Variants in NKAIN3 observed in about 807,000 individuals in gnomAD.
The protein encoded by NKAIN3 is sodium/potassium-transporting ATPase subunit beta-1-interacting protein 3.
In NKAIN3, 25 loss-of-function variants were observed where a neutral mutation model predicts 30.2. The ratio of observed to expected loss-of-function variants is 0.83; its 90% CI spans 0.60 to 1.16. The LOEUF (loss-of-function observed/expected upper bound fraction) is 1.16, where lower values mean the gene tolerates loss of function less well. Ranked by LOEUF, NKAIN3 falls within the 50% of genes most tolerant of loss-of-function variation. NKAIN3 has a pLI of 0.00. For missense variants in NKAIN3, 225 were observed against 254.1 expected (o/e 0.89, Z 0.78); for synonymous variants, 91 against 89.6 (o/e 1.02, Z -0.09).
At chr8:62,430,362 TTGTGGTG>T (rs1266675448) in intron 1 of NKAIN3, among the ~76,000 whole-genome samples, 3 of 120,808 alleles carry the variant, frequency 2.5e-5, no homozygotes, top group African/African-American at 6.4e-5. Context: ...TACATATATA[TTGTGGTG>T]TGTGTGTGTG....
chr8:62,751,274 C>T (rs946461269), intron 4 of NKAIN3, among the ~76,000 whole-genome samples: 7 of 152,114 alleles, frequency 4.6e-5, no homozygotes, highest in African/African-American at 1.4e-4. Context: ...AGACATCTTC[C>T]CCCAAAACAC....
chr8:62,899,613 T>C (rs1363540237), intron 4 of NKAIN3, among the ~76,000 whole-genome samples: 1 of 152,050 alleles, frequency 6.6e-6, no homozygotes, highest in East Asian at 1.9e-4. Context: ...TTAGAGGAGC[T>C]GGGGATGGTT....
intron 3 of NKAIN3, among the ~76,000 whole-genome samples, chr8:62,741,221 TA>T (rs1344678965): frequency 6.6e-6 from 1 of 152,152 alleles, no homozygotes; most frequent in East Asian, 1.9e-4. Context: ...TTCTCTTTTC[TA>T]TTGTCCTTGA....
chr8:62,911,074 C>T (rs1449763920), intron 4 of NKAIN3, among the ~76,000 whole-genome samples: 1 of 152,022 alleles, frequency 6.6e-6, no homozygotes, highest in Non-Finnish European at 1.5e-5. Flanking sequence ...GCATCATTCT[C>T]ATATTGAAAA....
chr8:62,396,988 G>C (rs1488255844), intron 1 of NKAIN3, among the ~76,000 whole-genome samples: 1 of 152,158 alleles, frequency 6.6e-6, no homozygotes, highest in Non-Finnish European at 1.5e-5. Context: ...TATTGTGCAC[G>C]ACAGATGTAA....
chr8:62,765,246 C>CA (rs34477671), intron 4 of NKAIN3, among the ~76,000 whole-genome samples: 6,818 of 42,558 alleles, frequency 0.16, 877 homozygotes, highest in African/African-American at 0.25. Context: ...GACTCCATCT[C>CA]AAAAAAAAAA....
intron 3 of NKAIN3, among the ~76,000 whole-genome samples, chr8:62,729,022 ACC>A (rs1491420718): frequency 4.3e-5 from 3 of 69,202 alleles, no homozygotes; most frequent in Non-Finnish European, 8.7e-5. Context: ...AAACAAACAA[ACC>A]AAAAAAAAAA....
chr8:62,527,915 G>A (rs1808358192), intron 1 of NKAIN3, among the ~76,000 whole-genome samples: 1 of 149,676 alleles, frequency 6.7e-6, no homozygotes, highest in Admixed American at 6.6e-5. Flanking sequence ...GTGTGTGTGT[G>A]TGACAGAGAG....
rs949557323 is a variant in NKAIN3, at chr8:62,981,655, G to T, written c.*16248G>T. On this transcript the variant is annotated 3_prime_UTR_variant, in exon 7 of 7. Transcript: ENST00000623646. ...AAAAAGACAAAAATGGTATTCTCAGGTGAGCTTACCTTTCAAATTTTTCTG... is the reference window on the plus strand; with the variant it reads ...AAAAAGACAAAAATGGTATTCTCAGTTGAGCTTACCTTTCAAATTTTTCTG... 4 of 151,422 alleles carry T rather than the reference G, an allele frequency of 2.6e-5. No homozygotes were observed. The highest frequency in any genetic ancestry group is 2.9e-5 in the Non-Finnish European group (2 of 67,928). 9.4% of individuals were successfully genotyped at this position (151,422 alleles called of 1,614,324 possible).
At chr8:62,363,890 A>G (rs970638238) in intron 1 of NKAIN3, among the ~76,000 whole-genome samples, 9 of 152,334 alleles carry the variant, frequency 5.9e-5, no homozygotes, top group South Asian at 2.1e-4. Flanking sequence ...TTACTTGTCT[A>G]AAGTATTAAT....
At chr8:62,279,185 A>G (rs1370216688) in intron 1 of NKAIN3, among the ~76,000 whole-genome samples, 1 of 152,194 alleles carries the variant, frequency 6.6e-6, no homozygotes, top group African/African-American at 2.4e-5. Flanking sequence ...TCTTTTGAGA[A>G]GTGTCTGTTC....
chr8:62,501,208 A>T (rs1807439738), intron 1 of NKAIN3, among the ~76,000 whole-genome samples: 2 of 152,154 alleles, frequency 1.3e-5, no homozygotes, highest in Non-Finnish European at 2.9e-5. Context: ...TATATTGAAT[A>T]TATGAAAACA....
At chr8:62,619,852 ACC>A (rs2130224181) in intron 3 of NKAIN3, among the ~76,000 whole-genome samples, 1 of 152,256 alleles carries the variant, frequency 6.6e-6, no homozygotes, top group South Asian at 2.1e-4. Flanking sequence ...AACAATCAAC[ACC>A]CTTGTAAAAT....
chr8:62,585,379 T>C (rs1810436016), intron 2 of NKAIN3, among the ~76,000 whole-genome samples: 1 of 152,172 alleles, frequency 6.6e-6, no homozygotes, highest in African/African-American at 2.4e-5. Flanking sequence ...ATTTTTAGAA[T>C]ATGAAAACAA....
At position 62,968,562 on chromosome 8, in the gene NKAIN3, T is replaced by C. The variant is rs755482877; in HGVS notation, c.*3155T>C. Among the ~76,000 whole-genome samples, 25 of 152,216 alleles carry C rather than the reference T, an allele frequency of 1.6e-4. No individual in the cohort carries two copies. The highest frequency in any genetic ancestry group is 3.7e-4 in the Non-Finnish European group (25 of 68,042). On this transcript the variant is annotated 3_prime_UTR_variant, in exon 7 of 7. Coordinates refer to ENST00000623646, the MANE Select transcript of NKAIN3 (RefSeq NM_001304533.3). ...ACTATCTTAAGAGATGGTGCAGCTC[T>C]AGATTCAATAGCTCTCCTCAGAAGT... is the stretch of plus-strand genomic sequence containing the variant.
chr8:62,383,678 C>T (rs746280600), intron 1 of NKAIN3, among the ~76,000 whole-genome samples: 23 of 152,098 alleles, frequency 1.5e-4, no homozygotes, highest in Non-Finnish European at 2.9e-4. Context: ...ACTTTCGGTC[C>T]TTCACCATCC....
At chr8:62,382,911 C>G (rs1158152489) in intron 1 of NKAIN3, among the ~76,000 whole-genome samples, 4 of 152,168 alleles carry the variant, frequency 2.6e-5, no homozygotes, top group Admixed American at 2.6e-4. Flanking sequence ...ACAGCTTTTT[C>G]TACAATAACG....
chr8:62,595,465 A>T (rs1008529000), intron 3 of NKAIN3, among the ~76,000 whole-genome samples: 10 of 134,134 alleles, frequency 7.5e-5, no homozygotes, highest in Non-Finnish European at 1.4e-4. Context: ...AAGGGAGGGG[A>T]CCCAAAGGGG....
chr8:62,399,511 A>C (rs1024205621), intron 1 of NKAIN3, among the ~76,000 whole-genome samples: 1 of 152,178 alleles, frequency 6.6e-6, no homozygotes, highest in East Asian at 1.9e-4. Flanking sequence ...TCTCAAAAGA[A>C]AAAAGAGAGA....
Sources: allele counts gnomAD v4.1 joint callset (sites outside exome capture counted in the v4.1 genomes callset), GRCh38; gene constraint gnomAD v4.1.1; transcripts MANE v1.5; gene names NCBI Gene and HGNC (gene_info 2026-07-23, HGNC 2026-07-21).